Variants in FOXD1 observed in about 807,000 individuals in gnomAD.
The protein encoded by FOXD1 is forkhead box D1.
A neutral mutation model predicts 2.0 loss-of-function variants in FOXD1; 4 were observed. That is an observed-to-expected ratio of 2.03 (90% CI 1.00 to 4.64). FOXD1 has a LOEUF of 4.64. FOXD1 is among the 30% of genes most tolerant of loss of function. The pLI is 0.01. For synonymous variants in FOXD1, 354 were observed against 328.5 expected, an observed-to-expected ratio of 1.08 and a Z score of -0.84; for missense variants, 586 against 647.6, an observed-to-expected ratio of 0.90 and a Z score of 1.03.
rs1157776422 is a variant in FOXD1, at chr5:73,447,554, C to T, written c.809G>A (p.Gly270Asp). Residue 270 changes from glycine (G) to aspartate (D), a missense_variant, in exon 1 of 1, where the codon GGC becomes GAC. Around this residue, in one of 4 missense-constraint regions of FOXD1, gnomAD observed 253 missense variants for 234.4 expected, o/e 1.08. Coordinates refer to ENST00000615637, the MANE Select transcript of FOXD1 (RefSeq NM_004472.3). This position sits in a 1 kb window ranked among gnomAD's most constrained non-coding sequence, Gnocchi z 7.8. ...GTAGCCGCAGCCGTAGGGGCCGTAG[C>T]CGTAGGCATGCGGGGGCGGCGGGGG... is the stretch of plus-strand genomic sequence containing the variant. ...PAPPPPPHAY[G>D]YGPYGCGYGL... The T allele has an allele frequency of 8.4e-6, 9 of 1,065,286 alleles. No homozygotes were observed. Among genetic ancestry groups the T allele is most frequent in the East Asian group, 8.0e-5 (1 of 12,568 alleles). The allele number at this position is 1,065,286 out of a possible 1,614,324, so 66.0% of individuals were successfully genotyped here. A position where few individuals can be genotyped will look rare whatever the true frequency, so the allele number is the denominator to read the frequency against.
In FOXD1 at chr5:73,447,346, G is replaced by A; in HGVS notation, c.1017C>T (p.Pro339=). The part of the protein sequence containing the change: ...YRPHPLGAAL[P]GPLPASAAKA... ...TGGCCGCGGAGGCCGGCAGGGGGCC[G>A]GGTAGGGCGGCGCCGAGCGGGTGCG... The change falls in exon 1 of 1, where the codon CCC becomes CCT. Residue 339 remains proline (P), a synonymous_variant. Coordinates refer to ENST00000615637, the MANE Select transcript of FOXD1 (RefSeq NM_004472.3). The surrounding 1 kb of genome is among the most constrained non-coding windows in gnomAD (Gnocchi z 7.8). 1 of 983,790 alleles carries A rather than the reference G, an allele frequency of 1.0e-6. No homozygotes were observed. Among genetic ancestry groups the A allele is most frequent in the Non-Finnish European group, 1.2e-6 (1 of 830,248 alleles). The allele number at this position is 983,790 out of a possible 1,614,324, so 60.9% of individuals were successfully genotyped here. A position where few individuals can be genotyped will look rare whatever the true frequency, so the allele number is the denominator to read the frequency against.
In FOXD1 at chr5:73,448,138, ATCG is replaced by A. The variant is rs1456270993; in HGVS notation, c.222_224del (p.Asp76del). On this transcript the variant is annotated inframe_deletion, in exon 1 of 1. Coordinates refer to ENST00000615637, the MANE Select transcript of FOXD1 (RefSeq NM_004472.3). ...CAGCAGGCGGGGCCAGCAGGATGTC[ATCG>A]TCGTCCTCCTCCTCCTCCAGATCCT... 3.6e-6 allele frequency: 5 copies of A among 1,371,632 alleles called. No homozygotes were observed. The highest frequency in any genetic ancestry group is 1.6e-5 in the African/African-American group (1 of 63,552). The allele number at this position is 1,371,632 out of a possible 1,614,324, so 85.0% of individuals were successfully genotyped here.
rs1290529505 is a variant in FOXD1 at position 73,446,608 on chromosome 5, CTGA to C, written c.*354_*356del. The C allele has an allele frequency of 9.2e-6, 2 of 216,988 alleles. No individual in the cohort carries two copies. Among genetic ancestry groups the C allele is most frequent in the African/African-American group, 4.8e-5 (2 of 42,066 alleles). The allele number at this position is 216,988 out of a possible 1,614,324, so 13.4% of individuals were successfully genotyped here. A position where few individuals can be genotyped will look rare whatever the true frequency, so the allele number is the denominator to read the frequency against. ...GACCATTATTTTTTAACGCCTGGAC[CTGA>C]GAATCTCTACACCTCAAAAAGGCTT... On this transcript the variant is annotated 3_prime_UTR_variant, in exon 1 of 1. Transcript: ENST00000615637.
Position 73,448,348 on chromosome 5 carries a change from A to T in FOXD1, c.15T>A (p.Thr5=). The change falls in exon 1 of 1, where the codon ACT becomes ACA. Residue 5 remains threonine (T), a synonymous_variant. Transcript: ENST00000615637. ...CGAGGCCAGAGGCATCGGACATCTC[A>T]GTGCTCAGGGTCATAGCTGTGGCGC... MTLS[T]EMSDASGLAE... is the part of the protein sequence containing the mutation. 1 of 1,418,794 alleles carries T rather than the reference A, an allele frequency of 7.0e-7. No homozygotes were observed. The highest frequency in any genetic ancestry group is 9.3e-7 in the Non-Finnish European group (1 of 1,072,102). The allele number at this position is 1,418,794 out of a possible 1,614,324, so 87.9% of individuals were successfully genotyped here.
At position 73,448,078 on chromosome 5, in the gene FOXD1, C is replaced by T; in HGVS notation, c.285G>A (p.Ala95=). 1 of 1,126,446 alleles carries T rather than the reference C, an allele frequency of 8.9e-7. No individual in the cohort carries two copies. The highest frequency in any genetic ancestry group is 1.1e-6 in the Non-Finnish European group (1 of 918,354). The allele number at this position is 1,126,446 out of a possible 1,614,324, so 69.8% of individuals were successfully genotyped here. ...GSPAPPGPAP[A]AGAGAGGGGG... ...CGCCCCCACCGGCTCCTGCCCCCGCCGCCGGGGCCGGGCCCGGGGGCGCCG... is the reference window on the plus strand; with the variant it reads ...CGCCCCCACCGGCTCCTGCCCCCGCTGCCGGGGCCGGGCCCGGGGGCGCCG... Residue 95 remains alanine (A), a synonymous_variant, in exon 1 of 1, where the codon GCG becomes GCA. Coordinates refer to ENST00000615637, the MANE Select transcript of FOXD1 (RefSeq NM_004472.3).
Position 73,446,726 on chromosome 5 carries a change from C to G in FOXD1, c.*239G>C, listed in dbSNP as rs1037122698. 2.3e-6 allele frequency: 1 copy of G among 444,060 alleles called. No homozygotes were observed. Among genetic ancestry groups the G allele is most frequent in the Non-Finnish European group, 4.1e-6 (1 of 244,266 alleles). The allele number at this position is 444,060 out of a possible 1,614,324, so 27.5% of individuals were successfully genotyped here. A position where few individuals can be genotyped will look rare whatever the true frequency, so the allele number is the denominator to read the frequency against. ...CCCGGCACCCTCTTCCTCCCTACCC[C>G]AGGTCGGGGGTTGGGGGGCTGTAGC... On this transcript the variant is annotated 3_prime_UTR_variant, in exon 1 of 1. Transcript: ENST00000615637.
chr5:73,446,907 G>T lies in FOXD1; in HGVS notation c.*58C>A. 3 of 1,419,322 alleles carry T rather than the reference G, an allele frequency of 2.1e-6. No individual in the cohort carries two copies. Among genetic ancestry groups the T allele is most frequent in the Non-Finnish European group, 2.9e-6 (3 of 1,037,192 alleles). 87.9% of individuals were successfully genotyped at this position (1,419,322 alleles called of 1,614,324 possible). ...AGCGAACAAAACACCGAACCACCAA[G>T]ACGAGAAAAGGAGCCGGGATTCCTA... is the stretch of plus-strand genomic sequence containing the variant. On this transcript the variant is annotated 3_prime_UTR_variant, in exon 1 of 1. Coordinates refer to ENST00000615637, the MANE Select transcript of FOXD1 (RefSeq NM_004472.3).
Position 73,447,356 on chromosome 5 carries a change from G to A in FOXD1, c.1007C>T (p.Ala336Val), listed in dbSNP as rs1039708369. The change falls in exon 1 of 1, where the codon GCC becomes GTC. Residue 336 changes from alanine to valine, a missense_variant. This residue lies in a region of FOXD1 where 253 missense variants were observed against 234.4 expected (regional missense o/e 1.08). Transcript: ENST00000615637. This position sits in a 1 kb window ranked among gnomAD's most constrained non-coding sequence, Gnocchi z 7.8. ...GGCCGGCAGGGGGCCGGGTAGGGCG[G>A]CGCCGAGCGGGTGCGGCCGGTAGCC... is the stretch of plus-strand genomic sequence containing the variant. ...AFGYRPHPLGAALPGPLPASA... is the reference protein window; with the variant it reads ...AFGYRPHPLGVALPGPLPASA... 4.1e-4 allele frequency: 404 copies of A among 983,324 alleles called. No individual in the cohort carries two copies. The African/African-American group carries it at 6.5e-3, about 16-fold the overall frequency. 60.9% of individuals were successfully genotyped at this position (983,324 alleles called of 1,614,324 possible).
In FOXD1 at chr5:73,447,121, C is replaced by G; in HGVS notation, c.1242G>C (p.Ala414=). Residue 414 remains alanine (A), a synonymous_variant, in exon 1 of 1, where the codon GCG becomes GCC. Transcript: ENST00000615637. The surrounding 1 kb of genome is among the most constrained non-coding windows in gnomAD (Gnocchi z 7.8). ...TGAGCGCGGCCGCCGGGCCCACGGC[C>G]GCCTGCGCCGCGCAGCCTCCTCCGC... ...GSSGGGCAAQ[A]AVGPAAALTR... 1 of 1,225,932 alleles carries G rather than the reference C, an allele frequency of 8.2e-7. No homozygotes were observed. Among genetic ancestry groups the G allele is most frequent in the Non-Finnish European group, 1.0e-6 (1 of 982,694 alleles). 75.9% of individuals were successfully genotyped at this position (1,225,932 alleles called of 1,614,324 possible).
Position 73,446,742 on chromosome 5 carries a change from G to A in FOXD1, c.*223C>T. 4.2e-6 allele frequency: 2 copies of A among 472,102 alleles called. No individual in the cohort carries two copies. Among genetic ancestry groups the A allele is most frequent in the South Asian group, 2.1e-5 (1 of 48,162 alleles). The allele number at this position is 472,102 out of a possible 1,614,324, so 29.2% of individuals were successfully genotyped here. A position where few individuals can be genotyped will look rare whatever the true frequency, so the allele number is the denominator to read the frequency against. ...TCCCTACCCCAGGTCGGGGGTTGGG[G>A]GGCTGTAGCATAGGTCGGCTTTGCA... On this transcript the variant is annotated 3_prime_UTR_variant, in exon 1 of 1. Transcript: ENST00000615637.
rs967115187 is a variant in FOXD1 at position 73,448,476 on chromosome 5, G to A, written c.-114C>T. On this transcript the variant is annotated 5_prime_UTR_variant, in exon 1 of 1. Coordinates refer to ENST00000615637, the MANE Select transcript of FOXD1 (RefSeq NM_004472.3). ...CCCGGCCGGGGGGCGCCACGCTGGG[G>A]GCGCTGCGACTGCGGCTGCCGGAGC... 8 of 591,724 alleles carry A rather than the reference G, an allele frequency of 1.4e-5. No homozygotes were observed. Among genetic ancestry groups the A allele is most frequent in the Non-Finnish European group, 1.7e-5 (8 of 469,662 alleles). 36.7% of individuals were successfully genotyped at this position (591,724 alleles called of 1,614,324 possible).
chr5:73,447,350 A>G lies in FOXD1; in HGVS notation c.1013T>C (p.Leu338Pro). The change falls in exon 1 of 1, where the codon CTA (leucine) becomes CCA (proline). Residue 338 changes from leucine (L) to proline (P), a missense_variant. Physicochemically the swap from Leu to Pro is moderately conservative, Grantham distance 98. This residue lies in a region of FOXD1 where 253 missense variants were observed against 234.4 expected (regional missense o/e 1.08). Coordinates refer to ENST00000615637, the MANE Select transcript of FOXD1 (RefSeq NM_004472.3). This position sits in a 1 kb window ranked among gnomAD's most constrained non-coding sequence, Gnocchi z 7.8. ...GYRPHPLGAA[L>P]PGPLPASAAK... is the part of the protein sequence containing the mutation. ...CGCGGAGGCCGGCAGGGGGCCGGGT[A>G]GGGCGGCGCCGAGCGGGTGCGGCCG... 3.1e-6 allele frequency: 3 copies of G among 982,780 alleles called. No individual in the cohort carries two copies. Among genetic ancestry groups the G allele is most frequent in the Non-Finnish European group, 3.6e-6 (3 of 829,902 alleles). 60.9% of individuals were successfully genotyped at this position (982,780 alleles called of 1,614,324 possible).
At position 73,448,420 on chromosome 5, in the gene FOXD1, C is replaced by A; in HGVS notation, c.-58G>T. ...GGGGGCGCCGGGCTCCGGGCTCCCT[C>A]TGCGCCCCAGCCCGGGTCCCGGGCG... is the stretch of plus-strand genomic sequence containing the variant. On this transcript the variant is annotated 5_prime_UTR_variant, in exon 1 of 1. Transcript: ENST00000615637. 9.3e-7 allele frequency: 1 copy of A among 1,071,844 alleles called. No homozygotes were observed. 66.4% of individuals were successfully genotyped at this position (1,071,844 alleles called of 1,614,324 possible).
In FOXD1 at chr5:73,448,473, G is replaced by T. The variant is rs1329328922; in HGVS notation, c.-111C>A. ...AGGCCCGGCCGGGGGGCGCCACGCT[G>T]GGGGCGCTGCGACTGCGGCTGCCGG... On this transcript the variant is annotated 5_prime_UTR_variant, in exon 1 of 1. Coordinates refer to ENST00000615637, the MANE Select transcript of FOXD1 (RefSeq NM_004472.3). 2 of 605,942 alleles carry T rather than the reference G, an allele frequency of 3.3e-6. No homozygotes were observed. Among genetic ancestry groups the T allele is most frequent in the East Asian group, 2.8e-4 (2 of 7,190 alleles). The allele number at this position is 605,942 out of a possible 1,614,324, so 37.5% of individuals were successfully genotyped here. A position where few individuals can be genotyped will look rare whatever the true frequency, so the allele number is the denominator to read the frequency against.
chr5:73,448,017 C>G lies in FOXD1; in HGVS notation c.346G>C (p.Gly116Arg). The change falls in exon 1 of 1, where the codon GGT (glycine) becomes CGT (arginine). Residue 116 changes from glycine (G) to arginine (R), a missense_variant. Transcript: ENST00000615637. ...ACCAGCGGGTTCTTGGCGCCGCTAC[C>G]CGCGCTCCCGCCGCCGCCCGCGCCG... ...GGGAGGGGSA[G>R]SGAKNPLVKP... 7.2e-7 allele frequency: 1 copy of G among 1,381,890 alleles called. No individual in the cohort carries two copies. Among genetic ancestry groups the G allele is most frequent in the Non-Finnish European group, 9.4e-7 (1 of 1,062,932 alleles). The allele number at this position is 1,381,890 out of a possible 1,614,324, so 85.6% of individuals were successfully genotyped here.
chr5:73,446,961 G>C lies in FOXD1; in HGVS notation c.*4C>G. ...TCTTCCTCGAGCGCGCTAACATAGC[G>C]TTATTAACAATTGGAAATCCTAGCA... On this transcript the variant is annotated 3_prime_UTR_variant, in exon 1 of 1. Transcript: ENST00000615637. 6.5e-7 allele frequency: 1 copy of C among 1,543,702 alleles called. No homozygotes were observed. Among genetic ancestry groups the C allele is most frequent in the Non-Finnish European group, 8.8e-7 (1 of 1,142,320 alleles).
chr5:73,448,472 T>C lies in FOXD1; in HGVS notation c.-110A>G. The C allele has an allele frequency of 1.7e-6, 1 of 597,454 alleles. No homozygotes were observed. Among genetic ancestry groups the C allele is most frequent in the Non-Finnish European group, 2.1e-6 (1 of 474,914 alleles). The allele number at this position is 597,454 out of a possible 1,614,324, so 37.0% of individuals were successfully genotyped here. A position where few individuals can be genotyped will look rare whatever the true frequency, so the allele number is the denominator to read the frequency against. ...CAGGCCCGGCCGGGGGGCGCCACGC[T>C]GGGGGCGCTGCGACTGCGGCTGCCG... On this transcript the variant is annotated 5_prime_UTR_variant, in exon 1 of 1. Coordinates refer to ENST00000615637, the MANE Select transcript of FOXD1 (RefSeq NM_004472.3).
In FOXD1 at chr5:73,446,794, A is replaced by C. The variant is rs73762089; in HGVS notation, c.*171T>G. 0.033 allele frequency: 20,305 copies of C among 616,310 alleles called. 3,174 individuals are homozygous for C. In the African/African-American group the frequency reaches 0.34, roughly 10 times the overall value. The allele number at this position is 616,310 out of a possible 1,614,324, so 38.2% of individuals were successfully genotyped here. On this transcript the variant is annotated 3_prime_UTR_variant, in exon 1 of 1. Coordinates refer to ENST00000615637, the MANE Select transcript of FOXD1 (RefSeq NM_004472.3). Reference sequence around the variant, plus strand: ...AAATAGAGGGACCCGCAGAGCCAAAAGGCGCGCCCGGGCTGTTGACAGTTT... The same window carrying C: ...AAATAGAGGGACCCGCAGAGCCAAACGGCGCGCCCGGGCTGTTGACAGTTT...
In FOXD1 at chr5:73,446,847, G is replaced by A; in HGVS notation, c.*118C>T. ...TCCGAGAATTCGCAGCGGCGAAAATGGGCGCGCGAGGTCGAGAGGGGCCGC... is the reference window on the plus strand; with the variant it reads ...TCCGAGAATTCGCAGCGGCGAAAATAGGCGCGCGAGGTCGAGAGGGGCCGC... On this transcript the variant is annotated 3_prime_UTR_variant, in exon 1 of 1. Coordinates refer to ENST00000615637, the MANE Select transcript of FOXD1 (RefSeq NM_004472.3). The A allele has an allele frequency of 4.5e-6, 4 of 887,166 alleles. No homozygotes were observed. The highest frequency in any genetic ancestry group is 6.8e-6 in the Non-Finnish European group (4 of 585,038). The allele number at this position is 887,166 out of a possible 1,614,324, so 55.0% of individuals were successfully genotyped here.
Sources: allele counts gnomAD v4.1 joint callset, GRCh38; gene constraint gnomAD v4.1.1; regional missense constraint gnomAD v4.1.1; non-coding constraint Gnocchi (gnomAD v3.1); transcripts MANE v1.5; gene names NCBI Gene and HGNC (gene_info 2026-07-23, HGNC 2026-07-21).